The following CORO2A variants were observed in gnomAD, a reference collection of about 807,000 sequenced individuals.
The protein encoded by CORO2A is coronin 2A.
In CORO2A, 47 loss-of-function variants were observed where a neutral mutation model predicts 62.4. That is an observed-to-expected ratio of 0.75 (90% CI 0.60 to 0.96). The LOEUF (loss-of-function observed/expected upper bound fraction) is 0.96. Ranked by LOEUF, CORO2A falls within the 40% of genes least tolerant of loss-of-function variation. The pLI is 0.00. For synonymous variants in CORO2A, 273 were observed against 268.9 expected, an observed-to-expected ratio of 1.02 and a Z score of -0.15; for missense variants, 610 against 684.1, an observed-to-expected ratio of 0.89 and a Z score of 1.21.
chr9:98,177,453 C>CT (rs944344622), intron 1 of CORO2A, among the ~76,000 whole-genome samples: 14 of 121,774 alleles, frequency 1.1e-4, no homozygotes, highest in South Asian at 2.6e-4. Flanking sequence ...GGGCTCCAAA[C>CT]TTTGTTTTTT....
Position 98,126,835 on chromosome 9 carries a change from G to C in CORO2A, c.1172-12C>G. 11 of 1,614,076 alleles carry C rather than the reference G, an allele frequency of 6.8e-6. No individual in the cohort carries two copies. Among genetic ancestry groups the C allele is most frequent in the Non-Finnish European group, 8.5e-6 (10 of 1,179,978 alleles). Reference sequence around the variant, plus strand: ...CACCAGGATTGGGTCTGGAAGGGAAGCAGAGCCATGTGAGGACGGGGTGCC... The same window carrying C: ...CACCAGGATTGGGTCTGGAAGGGAACCAGAGCCATGTGAGGACGGGGTGCC... On this transcript the variant is annotated splice_polypyrimidine_tract_variant and intron_variant, in intron 10 of 11. Transcript: ENST00000375077.
At chr9:98,186,852 G>A (rs891045786) in intron 1 of CORO2A, among the ~76,000 whole-genome samples, 17 of 152,054 alleles carry the variant, frequency 1.1e-4, no homozygotes, top group African/African-American at 4.1e-4. Flanking sequence ...CACCTGGCCT[G>A]GACCCCAACC....
chr9:98,175,114 G>C (rs1828091123), intron 1 of CORO2A, among the ~76,000 whole-genome samples: 3 of 152,250 alleles, frequency 2.0e-5, no homozygotes, highest in Middle Eastern at 3.4e-3. Flanking sequence ...CTTGACCTTA[G>C]AGTTGGTCCC....
chr9:98,133,953 C>CA (rs1424533197), intron 4 of CORO2A, among the ~76,000 whole-genome samples: 1 of 152,008 alleles, frequency 6.6e-6, no homozygotes, highest in Non-Finnish European at 1.5e-5. Flanking sequence ...GATGGGGTCT[C>CA]ACTATGTTGG....
At chr9:98,130,909 T>C (rs2118803222) in intron 7 of CORO2A, 46 bp downstream of exon 7, 1 of 1,506,106 alleles carries the variant, frequency 6.6e-7, no homozygotes, top group Non-Finnish European at 9.2e-7. Context: ...TGTCTGCCGC[T>C]GTCTCAGGGG....
chr9:98,140,079 C>G (rs537031721), intron 2 of CORO2A, among the ~76,000 whole-genome samples: 2 of 152,280 alleles, frequency 1.3e-5, no homozygotes, highest in South Asian at 4.1e-4. Flanking sequence ...CATTGCATGG[C>G]CCTGGCAGAA....
At chr9:98,186,269 A>T (rs10818584) in intron 1 of CORO2A, among the ~76,000 whole-genome samples, 29,942 of 114,004 alleles carry the variant, frequency 0.26, 3,020 homozygotes, top group South Asian at 0.31. Context: ...ATGCCAGGAG[A>T]GGGGTGGCTG....
chr9:98,134,998 C>A, intron 3 of CORO2A, 43 bp from the exon 4 acceptor site: 1 of 1,601,786 alleles, frequency 6.2e-7, no homozygotes, highest in Non-Finnish European at 8.5e-7. Flanking sequence ...AGCCAGGGCA[C>A]CTTGGCACCG....
chr9:98,148,692 C>T (rs920390708), intron 2 of CORO2A, among the ~76,000 whole-genome samples: 1 of 151,746 alleles, frequency 6.6e-6, no homozygotes, highest in African/African-American at 2.4e-5. Flanking sequence ...TTCAGGGCTG[C>T]AGTGAGATAT....
chr9:98,133,083 G>T lies in CORO2A; in HGVS notation c.603C>A (p.Asp201Glu). The T allele has an allele frequency of 6.2e-7, 1 of 1,614,256 alleles. No homozygotes were observed. ...NGSLLATTCK[D>E]RKIRVIDPRA... ...GGGGGTCAATAACCCGAATCTTGCG[G>T]TCTTTGCAGGTGGTGGCCAACAGGC... Residue 201 changes from aspartate to glutamate, a missense_variant, in exon 5 of 12, where the codon GAC becomes GAA. Asp to Glu is a conservative substitution (Grantham distance 45). Transcript: ENST00000375077.
At chr9:98,145,919 C>T (rs1232063507) in intron 2 of CORO2A, among the ~76,000 whole-genome samples, 1 of 152,156 alleles carries the variant, frequency 6.6e-6, no homozygotes, top group African/African-American at 2.4e-5. Flanking sequence ...GGTATGTTGG[C>T]CAGGCTAGTC....
rs182264823 is a variant in CORO2A, at chr9:98,121,103, C to T, written c.*3671G>A. 2 of 152,294 alleles carry T rather than the reference C, an allele frequency of 1.3e-5. No homozygotes were observed. Among genetic ancestry groups the T allele is most frequent in the Admixed American group, 6.5e-5 (1 of 15,298 alleles). The allele number at this position is 152,294 out of a possible 1,614,324, so 9.4% of individuals were successfully genotyped here. On this transcript the variant is annotated 3_prime_UTR_variant, in exon 12 of 12. Transcript: ENST00000375077. ...AAGGTACAAGGAATTTCAGAAACAA[C>T]ATTAAAACAATCATTCAAACTGTTT...
chr9:98,191,655 A>G (rs1828307058), intron 1 of CORO2A, among the ~76,000 whole-genome samples: 1 of 152,196 alleles, frequency 6.6e-6, no homozygotes, highest in Admixed American at 6.5e-5. Context: ...GGGCTGGGCC[A>G]GATGCCATAG....
intron 1 of CORO2A, among the ~76,000 whole-genome samples, chr9:98,168,061 A>G (rs1827985059): frequency 6.6e-6 from 1 of 152,268 alleles, no homozygotes; most frequent in African/African-American, 2.4e-5. Flanking sequence ...TCTTGGCTCT[A>G]AACGGCCCTG....
chr9:98,128,313 G>T, intron 9 of CORO2A, 53 bp from the exon 10 acceptor site: 1 of 1,423,642 alleles, frequency 7.0e-7, no homozygotes, highest in South Asian at 1.2e-5. Flanking sequence ...CTGCTCAGAT[G>T]GGAAAGGCCC....
At chr9:98,172,502 AGCCCCACACCCCACTTCTGAGATCG>A (rs1429606952) in intron 1 of CORO2A, 1 of 122,076 alleles carries the variant, frequency 8.2e-6, no homozygotes, top group African/African-American at 3.2e-5. Flanking sequence ...TTCCAAGCTC[AGCCCCACACCCCACTTCTGAGATCG>A]ACCCCATGCC....
rs1161985154 is a variant in CORO2A, at chr9:98,144,194, A to G, written c.202-6506T>C. ...ACAGAGTGAGATCCTGTTTCGAAGA[A>G]AAAAAAAAAAAAAGCTTTTCTTTAG... On this transcript the variant is annotated intron_variant, in intron 2 of 11. Transcript: ENST00000375077. Among the ~76,000 whole-genome samples, 5 of 71,264 alleles carry G rather than the reference A, an allele frequency of 7.0e-5. No individual in the cohort carries two copies. The South Asian group carries it at 1.0e-3, about 15-fold the overall frequency. The allele number at this position is 71,264 out of a possible 152,430, so 46.8% of individuals were successfully genotyped here.
In CORO2A at chr9:98,134,930, T is replaced by C. The variant is rs146749790; in HGVS notation, c.344A>G (p.Gln115Arg). ...GGCCGTGAGGTTCCTGGTCAGCAGC[T>C]GCTTGGGGATGCTCCAGATCTTAAT... is the stretch of plus-strand genomic sequence containing the variant. ...ATIKIWSIPK[Q>R]LLTRNLTAYR... Residue 115 changes from glutamine (Q) to arginine (R), a missense_variant, in exon 4 of 12, where the codon CAG (glutamine) becomes CGG (arginine). Gln to Arg is a conservative substitution (Grantham distance 43, BLOSUM62 1). Coordinates refer to ENST00000375077, the MANE Select transcript of CORO2A (RefSeq NM_052820.4). The C allele has an allele frequency of 3.1e-5, 50 of 1,614,002 alleles. No individual in the cohort carries two copies. In the African/African-American group the frequency reaches 6.0e-4, roughly 19 times the overall value.
At chr9:98,148,598 G>A (rs1034467785) in intron 2 of CORO2A, among the ~76,000 whole-genome samples, 1 of 151,588 alleles carries the variant, frequency 6.6e-6, no homozygotes, top group Non-Finnish European at 1.5e-5. Context: ...ACAAAAATTA[G>A]CTGGGTGTGA....
Sources: gnomAD v4.1 joint callset for allele counts (sites outside exome capture counted in the v4.1 genomes callset) on GRCh38, gnomAD v4.1.1 for gene constraint, MANE v1.5 for transcripts, NCBI Gene and HGNC (gene_info 2026-07-23, HGNC 2026-07-21) for gene names.